The following EPB41L3 variants were observed in gnomAD, a reference collection of about 807,000 sequenced individuals.
EPB41L3 encodes the protein erythrocyte membrane protein band 4.1 like 3, also known as band 4.1-like protein 3.
In EPB41L3, 57 loss-of-function variants were observed where a neutral mutation model predicts 127.1. The observed-to-expected ratio is 0.45, with a 90% CI of 0.36 to 0.56. The LOEUF (loss-of-function observed/expected upper bound fraction) is 0.56, where lower values mean the gene tolerates loss of function less well. Ranked by LOEUF, EPB41L3 falls within the 20% of genes least tolerant of loss-of-function variation. EPB41L3 has a pLI of 0.00. For synonymous variants in EPB41L3, 572 were observed against 549.5 expected, an observed-to-expected ratio of 1.04 and a Z score of -0.57; for missense variants, 1,273 against 1,372.2, an observed-to-expected ratio of 0.93 and a Z score of 1.14.
At chr18:5,492,859 C>T (rs924263585) in intron 1 of EPB41L3, among the ~76,000 whole-genome samples, 3 of 151,894 alleles carry the variant, frequency 2.0e-5, no homozygotes, top group East Asian at 1.9e-4. Flanking sequence ...TTTAAAGAAA[C>T]GTAAATCATA....
chr18:5,435,698 CTGTG>C (rs1227269209), intron 6 of EPB41L3, among the ~76,000 whole-genome samples: 6 of 152,142 alleles, frequency 3.9e-5, no homozygotes, highest in Non-Finnish European at 8.8e-5. Flanking sequence ...AGTGACATGA[CTGTG>C]TGATTATTAG....
chr18:5,403,639 T>C (rs1033095650), intron 16 of EPB41L3, among the ~76,000 whole-genome samples: 3 of 151,186 alleles, frequency 2.0e-5, no homozygotes, highest in East Asian at 1.9e-4. Flanking sequence ...AGTCATAAGT[T>C]TGGGGTCACC....
At chr18:5,407,990 G>C (rs1013738588) in intron 14 of EPB41L3, among the ~76,000 whole-genome samples, 1 of 152,220 alleles carries the variant, frequency 6.6e-6, no homozygotes. Context: ...GACACACGTG[G>C]TTGAGAAGGT....
At chr18:5,408,715 T>C (rs1344497571) in intron 14 of EPB41L3, among the ~76,000 whole-genome samples, 1 of 152,080 alleles carries the variant, frequency 6.6e-6, no homozygotes, top group African/African-American at 2.4e-5. Flanking sequence ...AGGTTTTAGA[T>C]GGGACAATTT....
At chr18:5,514,249 G>T (rs574738704) in intron 1 of EPB41L3, among the ~76,000 whole-genome samples, 27 of 152,322 alleles carry the variant, frequency 1.8e-4, no homozygotes, top group Non-Finnish European at 3.2e-4. Flanking sequence ...TGATTATAGT[G>T]CAAAGTTCAT....
At chr18:5,528,651 A>C (rs985078889) in intron 1 of EPB41L3, among the ~76,000 whole-genome samples, 7 of 151,768 alleles carry the variant, frequency 4.6e-5, no homozygotes, top group Non-Finnish European at 8.8e-5. Flanking sequence ...AGGCTGGAGT[A>C]GAGTGGTGTG....
Position 5,452,204 on chromosome 18 carries a change from C to A in EPB41L3, c.382-6960G>T, listed in dbSNP as rs1194851601. On this transcript the variant is annotated intron_variant, in intron 3 of 22. Coordinates refer to ENST00000341928, the MANE Select transcript of EPB41L3 (RefSeq NM_012307.5). ...ATGCTGGTATGCTGGTATGGCTGAA[C>A]AGTCACTTTAAATTAAAATATGTTT... Among the ~76,000 whole-genome samples, 3 of 152,192 alleles carry A rather than the reference C, an allele frequency of 2.0e-5. No homozygotes were observed. In the East Asian group the frequency reaches 5.8e-4, roughly 29 times the overall value.
chr18:5,519,366 T>G (rs2092893547), intron 1 of EPB41L3, among the ~76,000 whole-genome samples: 1 of 152,230 alleles, frequency 6.6e-6, no homozygotes, highest in South Asian at 2.1e-4. Flanking sequence ...CTACACATCT[T>G]GGACCTCAGT....
chr18:5,575,679 A>T (rs1266485569), intron 3 of EPB41L3, among the ~76,000 whole-genome samples: 1 of 152,124 alleles, frequency 6.6e-6, no homozygotes, highest in African/African-American at 2.4e-5. Flanking sequence ...TCTACTAAAA[A>T]TATAAAAAGT....
chr18:5,415,360 T>C (rs2144694121), intron 13 of EPB41L3, among the ~76,000 whole-genome samples: 1 of 152,342 alleles, frequency 6.6e-6, no homozygotes, highest in South Asian at 2.1e-4. Context: ...TTTGCAACTT[T>C]AGAAAGCTAC....
At chr18:5,415,397 G>A (rs1227801524) in intron 13 of EPB41L3, among the ~76,000 whole-genome samples, 4 of 152,180 alleles carry the variant, frequency 2.6e-5, no homozygotes, top group Non-Finnish European at 4.4e-5. Flanking sequence ...CATCCCCTCC[G>A]GGGATGCACT....
chr18:5,411,365 T>G (rs542884616), intron 13 of EPB41L3, among the ~76,000 whole-genome samples: 6 of 152,198 alleles, frequency 3.9e-5, no homozygotes, highest in Admixed American at 6.5e-5. Flanking sequence ...ATGAAGCAAA[T>G]AAGAAGAAGA....
At chr18:5,593,065 G>T (rs1202676994) in intron 3 of EPB41L3, among the ~76,000 whole-genome samples, 3 of 152,122 alleles carry the variant, frequency 2.0e-5, no homozygotes, top group Non-Finnish European at 2.9e-5. Flanking sequence ...CCAATCTGCA[G>T]AGATACTAGC....
chr18:5,393,508 A>T, intron 22 of EPB41L3, 30 bp from the exon 23 acceptor site: 1 of 700,918 alleles, frequency 1.4e-6, no homozygotes, highest in Non-Finnish European at 2.6e-6. Flanking sequence ...TTAGTTACTC[A>T]TTTGAAAACA....
At chr18:5,450,973 C>T (rs907913781) in intron 3 of EPB41L3, among the ~76,000 whole-genome samples, 28 of 152,258 alleles carry the variant, frequency 1.8e-4, no homozygotes, top group Admixed American at 8.5e-4. Flanking sequence ...GGAAGCACTA[C>T]GTGACTGCCT....
chr18:5,555,841 G>A (rs76084052), intron 3 of EPB41L3, among the ~76,000 whole-genome samples: 2,564 of 152,122 alleles, frequency 0.017, 72 homozygotes, highest in African/African-American at 0.058. Flanking sequence ...ATGCAGCCTC[G>A]ATGCTGTAAG....
chr18:5,611,021 A>C (rs1380957145), intron 3 of EPB41L3, among the ~76,000 whole-genome samples: 1 of 152,198 alleles, frequency 6.6e-6, no homozygotes, highest in Non-Finnish European at 1.5e-5. Context: ...ATGAGCAGTC[A>C]CCTTGGAAAA....
At chr18:5,573,203 A>G (rs892865339) in intron 3 of EPB41L3, among the ~76,000 whole-genome samples, 1 of 152,200 alleles carries the variant, frequency 6.6e-6, no homozygotes, top group African/African-American at 2.4e-5. Flanking sequence ...CATATTTATG[A>G]AGCAGTTTTC....
At chr18:5,540,553 T>C in intron 1 of EPB41L3, 1 of 985,394 alleles carries the variant, frequency 1.0e-6, no homozygotes, top group East Asian at 1.1e-4. Flanking sequence ...GCAAATCAAA[T>C]AACAGCAGAA....
Sources: allele counts gnomAD v4.1 joint callset (sites outside exome capture counted in the v4.1 genomes callset), GRCh38; gene constraint gnomAD v4.1.1; transcripts MANE v1.5; gene names NCBI Gene and HGNC (gene_info 2026-07-23, HGNC 2026-07-21).